SEPTIN4: variants seen among roughly 807,000 people sequenced by gnomAD.
The protein encoded by SEPTIN4 is septin 4, also known as septin-4.
Under a neutral mutation model 107.1 loss-of-function variants are expected in SEPTIN4, and 52 were observed. That is an observed-to-expected ratio of 0.49 (90% CI 0.39 to 0.61). The LOEUF (loss-of-function observed/expected upper bound fraction) is 0.61, where lower values mean the gene tolerates loss of function less well. Among genes scored for constraint, SEPTIN4 ranks in the 20% least tolerant of loss-of-function variants. SEPTIN4 has a pLI of 0.00. For missense variants in SEPTIN4, 1,048 were observed against 1,243.5 expected, an observed-to-expected ratio of 0.84 and a Z score of 2.36; for synonymous variants, 417 against 467.0, an observed-to-expected ratio of 0.89 and a Z score of 1.38.
chr17:58,525,422 T>C, intron 6 of SEPTIN4: 1 of 630,358 alleles, frequency 1.6e-6, no homozygotes, highest in Non-Finnish European at 2.7e-6. Flanking sequence ...CAGCCTCTTC[T>C]CTGCTCCCGG....
intron 3 of SEPTIN4, chr17:58,529,891 C>G (rs1036847725): frequency 6.6e-6 from 1 of 151,618 alleles, no homozygotes; most frequent in African/African-American, 2.4e-5. Flanking sequence ...ACAGAGAAGA[C>G]TTTGCTCCAG....
At chr17:58,541,995 T>A (rs2043891354) in intron 1 of SEPTIN4, 29 bp from the exon 2 acceptor site, 1 of 1,610,142 alleles carries the variant, frequency 6.2e-7, no homozygotes, top group Non-Finnish European at 8.5e-7. Flanking sequence ...TGGTTGCTTT[T>A]CTTCTCTCTG....
intron 3 of SEPTIN4, among the ~76,000 whole-genome samples, chr17:58,532,807 G>A (rs558587644): frequency 5.3e-5 from 8 of 152,296 alleles, no homozygotes; most frequent in Non-Finnish European, 1.0e-4. Flanking sequence ...AGATGCCGAG[G>A]GGACAGATGC....
chr17:58,539,307 G>A (rs993582751), intron 3 of SEPTIN4: 3 of 689,782 alleles, frequency 4.3e-6, no homozygotes, highest in Non-Finnish European at 7.0e-6. Flanking sequence ...CACAGAAAAA[G>A]GGGATGAAGG....
intron 6 of SEPTIN4, 169 bp downstream of exon 6, chr17:58,525,526 A>T: frequency 1.6e-6 from 1 of 639,428 alleles, no homozygotes; most frequent in Non-Finnish European, 2.7e-6. Context: ...CCAAATCTTT[A>T]GGGAGCTGGC....
chr17:58,521,822 C>A lies in SEPTIN4; in HGVS notation c.2383G>T (p.Ala795Ser), dbSNP rs761983801. The change falls in exon 9 of 14, where the codon GCC becomes TCC. Residue 795 changes from alanine to serine, a missense_variant. Physicochemically the swap from Ala to Ser is moderately conservative, Grantham distance 99. This residue lies in a region of SEPTIN4 where 261 missense variants were observed against 371.7 expected (regional missense o/e 0.70). Coordinates refer to ENST00000672673, the MANE Select transcript of SEPTIN4 (RefSeq NM_001368771.2). The surrounding 1 kb of genome is among the most constrained non-coding windows in gnomAD (Gnocchi z 6.4). ...LRPLDVEFMKALHQRVNIVPI... is the reference protein window; with the variant it reads ...LRPLDVEFMKSLHQRVNIVPI... ...ACGATGTTGACCCGCTGATGCAGGGCCTTCATGAATTCAACATCCAATGGC... is the reference window on the plus strand; with the variant it reads ...ACGATGTTGACCCGCTGATGCAGGGACTTCATGAATTCAACATCCAATGGC... 5.3e-5 allele frequency: 86 copies of A among 1,614,112 alleles called. No individual in the cohort carries two copies. Among genetic ancestry groups the A allele is most frequent in the Non-Finnish European group, 7.1e-5 (84 of 1,180,046 alleles).
At position 58,521,904 on chromosome 17, in the gene SEPTIN4, T is replaced by G; in HGVS notation, c.2352-51A>C. 6 of 1,614,236 alleles carry G rather than the reference T, an allele frequency of 3.7e-6. No individual in the cohort carries two copies. Among genetic ancestry groups the G allele is most frequent in the Non-Finnish European group, 5.1e-6 (6 of 1,180,042 alleles). The stretch of plus-strand genomic sequence containing the variant: ...CTGCTAGTGGCAGCCCTGCCCCTGG[T>G]GCTCTTGGCCTGTTCCCTTGACAGC... On this transcript the variant is annotated intron_variant, in intron 8 of 13. Transcript: ENST00000672673. This position sits in a 1 kb window ranked among gnomAD's most constrained non-coding sequence, Gnocchi z 6.4.
intron 7 of SEPTIN4, 164 bp downstream of exon 7, chr17:58,524,914 T>TA: frequency 1.2e-6 from 1 of 810,492 alleles, no homozygotes; most frequent in Non-Finnish European, 2.0e-6. Flanking sequence ...CTTTCCCTCT[T>TA]ACTTTATAAA....
Position 58,544,242 on chromosome 17 carries a change from C to A in SEPTIN4, c.-56G>T. On this transcript the variant is annotated 5_prime_UTR_variant, in exon 1 of 14. Coordinates refer to ENST00000672673, the MANE Select transcript of SEPTIN4 (RefSeq NM_001368771.2). Reference sequence around the variant, plus strand: ...CGTATTTTACTGGCTGGCTTGTATTCAGGATCCTAATGATGCCTGAATATT... The same window carrying A: ...CGTATTTTACTGGCTGGCTTGTATTAAGGATCCTAATGATGCCTGAATATT... The A allele has an allele frequency of 6.5e-7, 1 of 1,536,590 alleles. No homozygotes were observed. The highest frequency in any genetic ancestry group is 8.7e-7 in the Non-Finnish European group (1 of 1,144,316).
intron 3 of SEPTIN4, among the ~76,000 whole-genome samples, chr17:58,528,763 G>A (rs1457847649): frequency 6.6e-6 from 1 of 152,216 alleles, no homozygotes; most frequent in South Asian, 2.1e-4. Context: ...GACAAGGGTG[G>A]GAGAGAGAAA....
intron 7 of SEPTIN4, among the ~76,000 whole-genome samples, chr17:58,522,913 C>T (rs2042428381): frequency 6.6e-6 from 1 of 152,114 alleles, no homozygotes; most frequent in Non-Finnish European, 1.5e-5. Flanking sequence ...CACTACAAAG[C>T]AAAACAAATA....
intron 5 of SEPTIN4, 146 bp from the exon 6 acceptor site, chr17:58,525,927 G>A: frequency 1.2e-6 from 1 of 860,086 alleles, no homozygotes. Flanking sequence ...AGAGCTGGGA[G>A]GAAGCACAGA....
intron 3 of SEPTIN4, 177 bp from the exon 4 acceptor site, chr17:58,527,155 C>T (rs1190675418): frequency 9.2e-7 from 1 of 1,092,832 alleles, no homozygotes; most frequent in Non-Finnish European, 1.4e-6. Context: ...CCCTCCCTCA[C>T]CTGCTCACAA....
Position 58,521,240 on chromosome 17 carries a change from G to T in SEPTIN4, c.2668+14C>A. 6.2e-7 allele frequency: 1 copy of T among 1,614,118 alleles called. No individual in the cohort carries two copies. Among genetic ancestry groups the T allele is most frequent in the Non-Finnish European group, 8.5e-7 (1 of 1,179,962 alleles). On this transcript the variant is annotated intron_variant, in intron 11 of 13. Coordinates refer to ENST00000672673, the MANE Select transcript of SEPTIN4 (RefSeq NM_001368771.2). This position sits in a 1 kb window ranked among gnomAD's most constrained non-coding sequence, Gnocchi z 6.4. Reference sequence around the variant, plus strand: ...GGGCAAGGAGATACCCTGGTCACAGGCTCAGTGCTTTACCTTCCACGATGC... The same window carrying T: ...GGGCAAGGAGATACCCTGGTCACAGTCTCAGTGCTTTACCTTCCACGATGC...
In SEPTIN4 at chr17:58,543,140, A is replaced by T. The variant is rs17222523; in HGVS notation, c.1047T>A (p.His349Gln). ...PGVQSVEPTHHVTVPSVSEGS... is the reference protein window; with the variant it reads ...PGVQSVEPTHQVTVPSVSEGS... ...CCTCAGACACTGATGGAACTGTCAC[A>T]TGGTGAGTTGGCTCTACTGACTGTA... Residue 349 changes from histidine to glutamine, a missense_variant, in exon 1 of 14, where the codon CAT becomes CAA. His to Gln is a conservative substitution (Grantham distance 24). This residue lies in a region of SEPTIN4 where 787 missense variants were observed against 871.8 expected (regional missense o/e 0.90). Coordinates refer to ENST00000672673, the MANE Select transcript of SEPTIN4 (RefSeq NM_001368771.2). 1.2e-6 allele frequency: 2 copies of T among 1,612,180 alleles called. No homozygotes were observed. Among genetic ancestry groups the T allele is most frequent in the African/African-American group, 2.7e-5 (2 of 74,946 alleles).
chr17:58,526,874 C>T lies in SEPTIN4; in HGVS notation c.1719G>A (p.Trp573Ter). Residue 573 changes from tryptophan to a stop codon, truncating the protein, a stop_gained, in exon 4 of 14, where the codon TGG (tryptophan) becomes TGA (stop). Transcript: ENST00000672673. LOFTEE classifies it high-confidence loss of function. ...GCTCCGGGACTTGGGGCCTGGATGCCCAGGTCTTAGCCTCTGGTGGGTGGC... is the reference window on the plus strand; with the variant it reads ...GCTCCGGGACTTGGGGCCTGGATGCTCAGGTCTTAGCCTCTGGTGGGTGGC... ...ASCHPPEAKT[W>*]ASRPQVPEPR... is the part of the protein sequence containing the mutation. The T allele has an allele frequency of 6.2e-7, 1 of 1,613,986 alleles. No homozygotes were observed. Among genetic ancestry groups the T allele is most frequent in the Non-Finnish European group, 8.5e-7 (1 of 1,180,000 alleles).
chr17:58,540,396 G>T (rs1006673872), intron 3 of SEPTIN4, among the ~76,000 whole-genome samples: 1 of 152,262 alleles, frequency 6.6e-6, no homozygotes, highest in African/African-American at 2.4e-5. Flanking sequence ...TTCTCGGACT[G>T]CAACTAGCTC....
In SEPTIN4 at chr17:58,526,333, A is replaced by G; in HGVS notation, c.1912-20T>C. ...GTCATCCTAGTAGACAGGAAGGCAGAATGCATCACGGTGAGGAGCCAAAGG... is the reference window on the plus strand; with the variant it reads ...GTCATCCTAGTAGACAGGAAGGCAGGATGCATCACGGTGAGGAGCCAAAGG... On this transcript the variant is annotated intron_variant, in intron 4 of 13. Coordinates refer to ENST00000672673, the MANE Select transcript of SEPTIN4 (RefSeq NM_001368771.2). 2 of 1,533,220 alleles carry G rather than the reference A, an allele frequency of 1.3e-6. No homozygotes were observed. The highest frequency in any genetic ancestry group is 1.8e-6 in the Non-Finnish European group (2 of 1,138,940). The allele number at this position is 1,533,220 out of a possible 1,614,324, so 95.0% of individuals were successfully genotyped here. A position where few individuals can be genotyped will look rare whatever the true frequency, so the allele number is the denominator to read the frequency against.
chr17:58,533,354 A>G (rs1598310549), intron 3 of SEPTIN4, among the ~76,000 whole-genome samples: 1 of 152,168 alleles, frequency 6.6e-6, no homozygotes. Flanking sequence ...CAGGGTCTCA[A>G]TTTCCATACC....
Sources: gnomAD v4.1 joint callset for allele counts (sites outside exome capture counted in the v4.1 genomes callset) on GRCh38, gnomAD v4.1.1 for gene constraint, gnomAD v4.1.1 regional missense constraint, Gnocchi (gnomAD v3.1) non-coding constraint, MANE v1.5 for transcripts, NCBI Gene and HGNC (gene_info 2026-07-23, HGNC 2026-07-21) for gene names.